Variants in WDR35 observed in about 807,000 individuals in gnomAD.
The protein encoded by WDR35 is WD repeat domain 35, also known as WD repeat-containing protein 35.
In WDR35, 118 loss-of-function variants were observed where a neutral mutation model predicts 158.3. The ratio of observed to expected loss-of-function variants is 0.75; its 90% CI spans 0.64 to 0.87. The LOEUF (loss-of-function observed/expected upper bound fraction) is 0.87. WDR35 is among the 40% of genes least tolerant of loss of function. WDR35 has a pLI of 0.00. For synonymous variants in WDR35, 448 were observed against 476.1 expected (o/e 0.94, Z 0.77); for missense variants, 1,263 against 1,405.8 (o/e 0.90, Z 1.62).
chr2:19,948,591 C>T (rs1671133335), intron 13 of WDR35, among the ~76,000 whole-genome samples: 1 of 152,020 alleles, frequency 6.6e-6, no homozygotes, highest in African/African-American at 2.4e-5. Context: ...AGCAGAAGGG[C>T]CAGCACATAC....
chr2:19,923,309 C>T (rs982970668), intron 25 of WDR35, among the ~76,000 whole-genome samples: 1 of 152,102 alleles, frequency 6.6e-6, no homozygotes, highest in African/African-American at 2.4e-5. Flanking sequence ...GTCGCTGGAG[C>T]AACAGTTGGA....
chr2:19,953,537 A>G (rs552084684), intron 12 of WDR35, among the ~76,000 whole-genome samples: 1 of 152,318 alleles, frequency 6.6e-6, no homozygotes, highest in African/African-American at 2.4e-5. Flanking sequence ...GTGAATAATC[A>G]TATTTTAGTA....
At chr2:19,923,900 T>C (rs1382300586) in intron 25 of WDR35, among the ~76,000 whole-genome samples, 1 of 152,216 alleles carries the variant, frequency 6.6e-6, no homozygotes, top group East Asian at 1.9e-4. Flanking sequence ...TTAAAGAATG[T>C]TGCTGTTTCC....
At chr2:19,958,755 T>C (rs1052751867) in intron 11 of WDR35, among the ~76,000 whole-genome samples, 2 of 152,124 alleles carry the variant, frequency 1.3e-5, no homozygotes, top group African/African-American at 2.4e-5. Context: ...GTAACCACAG[T>C]GCAGGTTAAG....
chr2:19,942,294 T>C (rs1219866762), intron 16 of WDR35, among the ~76,000 whole-genome samples: 2 of 152,164 alleles, frequency 1.3e-5, no homozygotes, highest in Middle Eastern at 3.2e-3. Context: ...ACACTATATT[T>C]GTATGTAAGC....
intron 10 of WDR35, among the ~76,000 whole-genome samples, chr2:19,963,030 C>T (rs1241783793): frequency 3.9e-5 from 6 of 152,118 alleles, no homozygotes; most frequent in South Asian, 2.1e-4. Context: ...ATCTAAGTAA[C>T]GTGTTTATAC....
Position 19,963,185 on chromosome 2 carries a change from C to T in WDR35, c.1195-2571G>A, listed in dbSNP as rs536682088. Among the ~76,000 whole-genome samples the T allele has an allele frequency of 1.1e-4, 16 of 152,216 alleles. No homozygotes were observed. The South Asian group carries it at 2.9e-3, about 28-fold the overall frequency. ...CCATCCCTCTCTCTATTTTTAATAC[C>T]ATTTTGTCGGATCAGAATTTAGGGT... On this transcript the variant is annotated intron_variant, in intron 10 of 26. Coordinates refer to ENST00000281405, the MANE Select transcript of WDR35 (RefSeq NM_020779.4).
intron 25 of WDR35, among the ~76,000 whole-genome samples, chr2:19,925,078 G>A (rs1173886394): frequency 6.6e-6 from 1 of 152,128 alleles, no homozygotes; most frequent in Non-Finnish European, 1.5e-5. Context: ...TCTGTTCCCC[G>A]CCACAGCCAG....
At position 19,912,367 on chromosome 2, in the gene WDR35, A is replaced by G. The variant is rs1171559610; in HGVS notation, c.*1191T>C. 6.6e-6 allele frequency: 1 copy of G among 152,118 alleles called. No homozygotes were observed. The highest frequency in any genetic ancestry group is 2.4e-5 in the African/African-American group (1 of 41,402). The allele number at this position is 152,118 out of a possible 1,614,324, so 9.4% of individuals were successfully genotyped here. A position where few individuals can be genotyped will look rare whatever the true frequency, so the allele number is the denominator to read the frequency against. On this transcript the variant is annotated 3_prime_UTR_variant, in exon 27 of 27. Transcript: ENST00000281405. ...ATGAATAGAGACAGAGACCTCAAAG[A>G]CTTCTGGTCTTCTCTTTTTATTTAG...
At chr2:19,926,660 G>A (rs978496985) in intron 25 of WDR35, among the ~76,000 whole-genome samples, 2 of 152,240 alleles carry the variant, frequency 1.3e-5, no homozygotes, top group Non-Finnish European at 2.9e-5. Context: ...CCAAATGCCA[G>A]ATGTTATCAG....
rs1672090496 is a variant in WDR35, at chr2:19,973,465, T to C, written c.882+98A>G. 1.4e-5 allele frequency: 21 copies of C among 1,457,218 alleles called. 1 individual carries two copies. The South Asian group carries it at 2.6e-4, about 18-fold the overall frequency. The allele number at this position is 1,457,218 out of a possible 1,614,324, so 90.3% of individuals were successfully genotyped here. On this transcript the variant is annotated intron_variant, in intron 8 of 26. Coordinates refer to ENST00000281405, the MANE Select transcript of WDR35 (RefSeq NM_020779.4). Reference sequence around the variant, plus strand: ...AAGATGAAATGTCCCTAAAAGAAAATGTGATAAGTTTACACCGTTTCCTTT... The same window carrying C: ...AAGATGAAATGTCCCTAAAAGAAAACGTGATAAGTTTACACCGTTTCCTTT...
Position 19,930,518 on chromosome 2 carries a change from T to A in WDR35, c.2999A>T (p.Glu1000Val), listed in dbSNP as rs370951527. 3.1e-4 allele frequency: 498 copies of A among 1,613,954 alleles called. No individual in the cohort carries two copies. Among genetic ancestry groups the A allele is most frequent in the Non-Finnish European group, 4.1e-4 (486 of 1,179,978 alleles). The change falls in exon 25 of 27, where the codon GAA becomes GTA. Residue 1000 changes from glutamate to valine, a missense_variant. By Grantham distance (121) the Glu-to-Val change is moderately radical. Transcript: ENST00000281405. The stretch of plus-strand genomic sequence containing the variant: ...GAAACGATCTGTTGTAGACAGAACT[T>A]CTTCTTCCAGCAAACCAGCCAAGGC... ...TSALAGLLEE[E>V]VLSTTDRFTD...
intron 11 of WDR35, among the ~76,000 whole-genome samples, chr2:19,954,242 T>C (rs1671348956): frequency 2.6e-5 from 4 of 152,214 alleles, no homozygotes; most frequent in Admixed American, 2.6e-4. Flanking sequence ...GGAATACACC[T>C]TTATGACCTT....
chr2:19,965,985 C>G (rs1180313364), intron 10 of WDR35, among the ~76,000 whole-genome samples: 3 of 152,188 alleles, frequency 2.0e-5, no homozygotes, highest in Non-Finnish European at 4.4e-5. Flanking sequence ...TCCACCTACT[C>G]TAACCTACAA....
chr2:19,980,671 T>A lies in WDR35; in HGVS notation c.307+20A>T. ...TGCCAACTTGTGAAAAATTAAATAA[T>A]CTCTCCTAGTAAAGTATACCTTTAT... On this transcript the variant is annotated intron_variant, in intron 4 of 26. Transcript: ENST00000281405. 1 of 1,598,940 alleles carries A rather than the reference T, an allele frequency of 6.3e-7. No individual in the cohort carries two copies. The highest frequency in any genetic ancestry group is 2.2e-5 in the East Asian group (1 of 44,726).
intron 25 of WDR35, among the ~76,000 whole-genome samples, chr2:19,925,815 G>T (rs1670339192): frequency 6.6e-6 from 1 of 152,108 alleles, no homozygotes; most frequent in Non-Finnish European, 1.5e-5. Context: ...TATGGGACTA[G>T]AAAAAAATCT....
chr2:19,969,635 G>C, intron 8 of WDR35, 30 bp from the exon 9 acceptor site: 1 of 1,606,646 alleles, frequency 6.2e-7, no homozygotes, highest in Non-Finnish European at 8.5e-7. Context: ...TTAACCTAAA[G>C]TATAACAATT....
At chr2:19,936,475 A>C in intron 19 of WDR35, 110 bp from the exon 20 acceptor site, 1 of 1,491,350 alleles carries the variant, frequency 6.7e-7, no homozygotes, top group Non-Finnish European at 9.2e-7. Flanking sequence ...AGCAGTGGAC[A>C]ATGTGACTCT....
chr2:19,916,060 T>C (rs534448569), intron 25 of WDR35, among the ~76,000 whole-genome samples: 222 of 152,236 alleles, frequency 1.5e-3, no homozygotes, highest in African/African-American at 4.7e-3. Context: ...GTTCATCTCA[T>C]TGGGACTAGT....
Sources: allele counts gnomAD v4.1 joint callset (sites outside exome capture counted in the v4.1 genomes callset), GRCh38; gene constraint gnomAD v4.1.1; transcripts MANE v1.5; gene names NCBI Gene and HGNC (gene_info 2026-07-23, HGNC 2026-07-21).